MAGI2: variants seen among roughly 807,000 people sequenced by gnomAD.
The protein encoded by MAGI2 is membrane associated guanylate kinase, WW and PDZ domain containing 2.
In MAGI2, 35 loss-of-function variants were observed where a neutral mutation model predicts 133.3. The observed-to-expected ratio is 0.26, with a 90% CI of 0.20 to 0.35. The LOEUF (loss-of-function observed/expected upper bound fraction) is 0.35, where lower values mean the gene tolerates loss of function less well. Among genes scored for constraint, MAGI2 ranks in the 10% least tolerant of loss-of-function variants. The pLI, the probability that MAGI2 is intolerant of heterozygous loss-of-function variation, is 1.00. For synonymous variants in MAGI2, 729 were observed against 710.6 expected (o/e 1.03, Z -0.41); for missense variants, 1,636 against 1,863.4 (o/e 0.88, Z 2.25).
chr7:78,075,997 C>G (rs1040216486), intron 21 of MAGI2, among the ~76,000 whole-genome samples: 3 of 152,202 alleles, frequency 2.0e-5, no homozygotes, highest in Admixed American at 2.0e-4. Context: ...GTGATATCAT[C>G]TCTAAAGTTT....
intron 6 of MAGI2, among the ~76,000 whole-genome samples, chr7:78,430,207 C>T (rs1490814939): frequency 1.5e-5 from 2 of 137,722 alleles, no homozygotes; most frequent in African/African-American, 2.8e-5. Context: ...TATTACAATG[C>T]TCTAACTGTA....
At chr7:78,510,614 T>G (rs1795479834) in intron 4 of MAGI2, among the ~76,000 whole-genome samples, 1 of 152,238 alleles carries the variant, frequency 6.6e-6, no homozygotes, top group East Asian at 1.9e-4. Context: ...ATTTCTTCTT[T>G]AAAAGGTGTT....
At chr7:79,243,232 A>G (rs1226077217) in intron 1 of MAGI2, among the ~76,000 whole-genome samples, 1 of 152,106 alleles carries the variant, frequency 6.6e-6, no homozygotes, top group African/African-American at 2.4e-5. Flanking sequence ...GATACACATT[A>G]CCAATAGACG....
intron 20 of MAGI2, among the ~76,000 whole-genome samples, chr7:78,098,500 A>G (rs1200928470): frequency 6.6e-6 from 1 of 152,112 alleles, no homozygotes; most frequent in Non-Finnish European, 1.5e-5. Context: ...TTTTTATTCT[A>G]TTGACGTATA....
chr7:78,034,685 G>A (rs369838022), intron 21 of MAGI2, among the ~76,000 whole-genome samples: 4 of 152,078 alleles, frequency 2.6e-5, no homozygotes, highest in Admixed American at 6.5e-5. Flanking sequence ...GCACCACCAC[G>A]CCTGGCTAAT....
At chr7:78,711,025 T>A (rs1409271213) in intron 2 of MAGI2, among the ~76,000 whole-genome samples, 1 of 152,184 alleles carries the variant, frequency 6.6e-6, no homozygotes, top group Non-Finnish European at 1.5e-5. Flanking sequence ...AAATTCTCTT[T>A]GTAGTCTAGT....
At chr7:79,003,302 T>C (rs902813953) in intron 2 of MAGI2, among the ~76,000 whole-genome samples, 1 of 152,154 alleles carries the variant, frequency 6.6e-6, no homozygotes, top group African/African-American at 2.4e-5. Flanking sequence ...CCAGATGTAG[T>C]TGGTGGTAGA....
At chr7:78,272,866 C>T (rs911187707) in intron 9 of MAGI2, among the ~76,000 whole-genome samples, 2 of 152,140 alleles carry the variant, frequency 1.3e-5, no homozygotes, top group African/African-American at 4.8e-5. Flanking sequence ...CTGAATATAG[C>T]ATACTGATGG....
chr7:78,996,511 G>T (rs1806325422), intron 2 of MAGI2, among the ~76,000 whole-genome samples: 1 of 152,142 alleles, frequency 6.6e-6, no homozygotes, highest in South Asian at 2.1e-4. Flanking sequence ...CTTTCTAAGG[G>T]TGGAGGGTGG....
chr7:79,333,593 G>A (rs1840235809), intron 1 of MAGI2, among the ~76,000 whole-genome samples: 2 of 152,178 alleles, frequency 1.3e-5, no homozygotes, highest in South Asian at 2.1e-4. Context: ...TTAGAATTTT[G>A]TTGGGTATTC....
intron 1 of MAGI2, among the ~76,000 whole-genome samples, chr7:79,082,391 T>C (rs1397184637): frequency 6.6e-6 from 1 of 152,040 alleles, no homozygotes; most frequent in Non-Finnish European, 1.5e-5. Context: ...TTAGTTTATA[T>C]TTGTACATGG....
At chr7:78,020,104 C>T in intron 21 of MAGI2, 128 bp from the exon 22 acceptor site, 2 of 767,302 alleles carry the variant, frequency 2.6e-6, no homozygotes, top group Non-Finnish European at 2.0e-6. Flanking sequence ...GCCGCCCCCA[C>T]CCCCACCCCC....
intron 20 of MAGI2, among the ~76,000 whole-genome samples, chr7:78,109,603 G>C (rs943434863): frequency 6.6e-6 from 1 of 152,172 alleles, no homozygotes; most frequent in African/African-American, 2.4e-5. Context: ...CTGCACTCCA[G>C]CCTGGGAGAC....
intron 9 of MAGI2, among the ~76,000 whole-genome samples, chr7:78,301,172 A>G (rs1212108047): frequency 6.6e-6 from 1 of 152,208 alleles, no homozygotes; most frequent in East Asian, 1.9e-4. Flanking sequence ...AAACATCCCT[A>G]GACTATGGAA....
chr7:78,081,723 A>G (rs140525280), intron 20 of MAGI2, among the ~76,000 whole-genome samples: 2,216 of 152,234 alleles, frequency 0.015, 26 homozygotes, highest in Non-Finnish European at 0.023. Flanking sequence ...GCAAGGCACT[A>G]AAAAGTTAAG....
intron 16 of MAGI2, among the ~76,000 whole-genome samples, chr7:78,151,255 T>C (rs1823843008): frequency 1.3e-5 from 2 of 152,078 alleles, no homozygotes. Context: ...AAAGGAGTAA[T>C]GTGATACAGA....
intron 10 of MAGI2, among the ~76,000 whole-genome samples, chr7:78,229,215 T>C (rs1015412641): frequency 3.9e-5 from 6 of 152,234 alleles, no homozygotes; most frequent in Non-Finnish European, 8.8e-5. Context: ...GAGCACAGCT[T>C]TTGCACCAGG....
intron 13 of MAGI2, among the ~76,000 whole-genome samples, chr7:78,179,669 G>C (rs1008967243): frequency 6.6e-6 from 1 of 152,128 alleles, no homozygotes; most frequent in East Asian, 1.9e-4. Context: ...TCCATTCAAT[G>C]AATAATATTA....
At chr7:78,406,349 G>T (rs1320771944) in intron 6 of MAGI2, among the ~76,000 whole-genome samples, 1 of 151,962 alleles carries the variant, frequency 6.6e-6, no homozygotes, top group Non-Finnish European at 1.5e-5. Flanking sequence ...TTCCGACCTT[G>T]CTTTGTAAGT....
Sources: allele counts gnomAD v4.1 joint callset (sites outside exome capture counted in the v4.1 genomes callset), GRCh38; gene constraint gnomAD v4.1.1; transcripts MANE v1.5; gene names NCBI Gene and HGNC (gene_info 2026-07-23, HGNC 2026-07-21).